The following AGAP1 variants were observed in gnomAD, a reference collection of about 807,000 sequenced individuals.
The protein encoded by AGAP1 is arf-GAP with GTPase, ANK repeat and PH domain-containing protein 1.
AGAP1 carries 29 observed loss-of-function variants against 105.3 expected under a neutral mutation model. The ratio of observed to expected loss-of-function variants is 0.28; its 90% CI spans 0.21 to 0.38. AGAP1 has a LOEUF of 0.38. Among genes scored for constraint, AGAP1 ranks in the 10% least tolerant of loss-of-function variants. The pLI, the probability that AGAP1 is intolerant of heterozygous loss-of-function variation, is 1.00. For synonymous variants in AGAP1, 509 were observed against 485.9 expected (o/e 1.05, Z -0.63); for missense variants, 998 against 1,165.1 (o/e 0.86, Z 2.09).
chr2:235,603,542 T>G (rs1404120652), intron 1 of AGAP1, among the ~76,000 whole-genome samples: 1 of 152,200 alleles, frequency 6.6e-6, no homozygotes, highest in Non-Finnish European at 1.5e-5. Flanking sequence ...GTTACACAGT[T>G]CAGGTGCTAG....
At chr2:235,853,804 G>C (rs1442073227) in intron 9 of AGAP1, among the ~76,000 whole-genome samples, 1 of 152,058 alleles carries the variant, frequency 6.6e-6, no homozygotes, top group African/African-American at 2.4e-5. Flanking sequence ...TGTGGATGGG[G>C]GAAAGGATGG....
In AGAP1 at chr2:236,073,805, C is replaced by T. The variant is rs1023672545; in HGVS notation, c.2114+24524C>T. Among the ~76,000 whole-genome samples the T allele has an allele frequency of 5.3e-5, 8 of 152,240 alleles. No homozygotes were observed. The highest frequency in any genetic ancestry group is 3.9e-4 in the East Asian group (2 of 5,174). On this transcript the variant is annotated intron_variant, in intron 16 of 17. Transcript: ENST00000304032. This position sits in a 1 kb window ranked among gnomAD's most constrained non-coding sequence, Gnocchi z 5.4. ...AACATGGCTTTACCCCACCGTCTCC[C>T]GTGGCCTTCTCAACACACTTTAGAA...
chr2:235,534,911 C>G (rs1039328834), intron 1 of AGAP1, among the ~76,000 whole-genome samples: 2 of 152,120 alleles, frequency 1.3e-5, no homozygotes, highest in Non-Finnish European at 2.9e-5. Context: ...GATGAGTTAT[C>G]AGTTGTAGTA....
rs1559262629 is a variant in AGAP1 at position 235,577,847 on chromosome 2, C to CGTGAGGA, written c.163+82999_163+83000insTGAGGAG. ...GCTGCACAAAAGGCCCATGTCTGCT[C>CGTGAGGA]GCTGGGACCTGATAGTTCGCCTTTG... On this transcript the variant is annotated intron_variant, in intron 1 of 17. Transcript: ENST00000304032. This position sits in a 1 kb window ranked among gnomAD's most constrained non-coding sequence, Gnocchi z 4.5. Among the ~76,000 whole-genome samples, 4 of 151,960 alleles carry CGTGAGGA rather than the reference C, an allele frequency of 2.6e-5. No homozygotes were observed. Among genetic ancestry groups the CGTGAGGA allele is most frequent in the African/African-American group, 9.7e-5 (4 of 41,348 alleles).
chr2:235,619,763 C>T (rs916438418), intron 1 of AGAP1, among the ~76,000 whole-genome samples: 2 of 152,188 alleles, frequency 1.3e-5, no homozygotes, highest in Admixed American at 6.5e-5. Flanking sequence ...CTTCGGCGCC[C>T]GAATTGCTGC....
rs149872179 is a variant in AGAP1, at chr2:235,545,308, G to A, written c.163+50459G>A. Among the ~76,000 whole-genome samples, 79 of 152,320 alleles carry A rather than the reference G, an allele frequency of 5.2e-4. 1 individual carries two copies. In the South Asian group the frequency reaches 5.8e-3, roughly 11 times the overall value. ...AAACACAGCTTAATTCAGCTCTACAGGTGTGAGTATTTAGCCCTGGAAAGG... is the reference window on the plus strand; with the variant it reads ...AAACACAGCTTAATTCAGCTCTACAAGTGTGAGTATTTAGCCCTGGAAAGG... On this transcript the variant is annotated intron_variant, in intron 1 of 17. Coordinates refer to ENST00000304032, the MANE Select transcript of AGAP1 (RefSeq NM_001037131.3).
At chr2:235,604,943 C>T (rs1372046208) in intron 1 of AGAP1, among the ~76,000 whole-genome samples, 3 of 151,854 alleles carry the variant, frequency 2.0e-5, no homozygotes, top group East Asian at 1.9e-4. Context: ...GGCAGTGGCG[C>T]GATCCTGGCT....
chr2:235,778,342 A>T (rs1003074352), intron 6 of AGAP1, among the ~76,000 whole-genome samples: 1 of 152,202 alleles, frequency 6.6e-6, no homozygotes, highest in South Asian at 2.1e-4. Context: ...TGACCAGTGC[A>T]GCCAGCAGGG....
In AGAP1 at chr2:236,078,060, T is replaced by C. The variant is rs1233791932; in HGVS notation, c.2114+28779T>C. Among the ~76,000 whole-genome samples, 2 of 149,868 alleles carry C rather than the reference T, an allele frequency of 1.3e-5. No individual in the cohort carries two copies. The highest frequency in any genetic ancestry group is 5.1e-5 in the African/African-American group (2 of 39,600). Reference sequence around the variant, plus strand: ...ATTTGTGTGTGTGTGTGTGTGTGTGTGTGTGTGTGTGTGTAATCTGAAGTG... The same window carrying C: ...ATTTGTGTGTGTGTGTGTGTGTGTGCGTGTGTGTGTGTGTAATCTGAAGTG... On this transcript the variant is annotated intron_variant, in intron 16 of 17. Coordinates refer to ENST00000304032, the MANE Select transcript of AGAP1 (RefSeq NM_001037131.3). This position sits in a 1 kb window ranked among gnomAD's most constrained non-coding sequence, Gnocchi z 5.3.
rs1385215916 is a variant in AGAP1, at chr2:235,842,293, C to T, written c.1050+34962C>T. ...TCCACTGACTTCGACTGAAAGTTAA[C>T]GTTTCCTTCAGATATGAATGTAGGC... On this transcript the variant is annotated intron_variant, in intron 9 of 17. Coordinates refer to ENST00000304032, the MANE Select transcript of AGAP1 (RefSeq NM_001037131.3). This position sits in a 1 kb window ranked among gnomAD's most constrained non-coding sequence, Gnocchi z 5.3. 3.3e-5 allele frequency among the ~76,000 whole-genome samples: 5 copies of T among 152,190 alleles called. No individual in the cohort carries two copies. Among genetic ancestry groups the T allele is most frequent in the East Asian group, 1.9e-4 (1 of 5,198 alleles).
chr2:235,566,319 T>C lies in AGAP1; in HGVS notation c.163+71470T>C, dbSNP rs528894180. On this transcript the variant is annotated intron_variant, in intron 1 of 17. Transcript: ENST00000304032. This position sits in a 1 kb window ranked among gnomAD's most constrained non-coding sequence, Gnocchi z 5.2. Reference sequence around the variant, plus strand: ...TTTGTCAGGCTGGTCTCGAACTGCCTTGGCCTCCTAAAGTGTTGGGATTAC... The same window carrying C: ...TTTGTCAGGCTGGTCTCGAACTGCCCTGGCCTCCTAAAGTGTTGGGATTAC... Among the ~76,000 whole-genome samples, 17 of 152,292 alleles carry C rather than the reference T, an allele frequency of 1.1e-4. No homozygotes were observed. Among genetic ancestry groups the C allele is most frequent in the African/African-American group, 3.8e-4 (16 of 41,568 alleles).
Position 235,614,105 on chromosome 2 carries a change from T to C in AGAP1, c.164-95074T>C, listed in dbSNP as rs1946230411. ...TGTTCATATATTGATTCACCAAATA[T>C]TGATTGTACATCTGCGAATGTGCTA... On this transcript the variant is annotated intron_variant, in intron 1 of 17. Coordinates refer to ENST00000304032, the MANE Select transcript of AGAP1 (RefSeq NM_001037131.3). This position sits in a 1 kb window ranked among gnomAD's most constrained non-coding sequence, Gnocchi z 4.7. Among the ~76,000 whole-genome samples the C allele has an allele frequency of 6.6e-6, 1 of 152,136 alleles. No homozygotes were observed. The highest frequency in any genetic ancestry group is 1.5e-5 in the Non-Finnish European group (1 of 68,014).
Position 236,027,693 on chromosome 2 carries a change from G to C in AGAP1, c.1646-8868G>C, listed in dbSNP as rs1185774362. Among the ~76,000 whole-genome samples, 1 of 152,116 alleles carries C rather than the reference G, an allele frequency of 6.6e-6. No homozygotes were observed. The highest frequency in any genetic ancestry group is 2.4e-5 in the African/African-American group (1 of 41,432). On this transcript the variant is annotated intron_variant, in intron 13 of 17. Coordinates refer to ENST00000304032, the MANE Select transcript of AGAP1 (RefSeq NM_001037131.3). The surrounding 1 kb of genome is among the most constrained non-coding windows in gnomAD (Gnocchi z 4.4). ...TGGACCCCGCATTGACGAGACAGAGGGGGCCATCTTGTGCTTCTCCAGGGC... is the reference window on the plus strand; with the variant it reads ...TGGACCCCGCATTGACGAGACAGAGCGGGCCATCTTGTGCTTCTCCAGGGC...
intron 9 of AGAP1, among the ~76,000 whole-genome samples, chr2:235,861,946 T>C (rs1303737114): frequency 6.6e-6 from 1 of 152,206 alleles, no homozygotes; most frequent in Non-Finnish European, 1.5e-5. Context: ...AGAGAACCAT[T>C]GGGGACCCTG....
chr2:235,602,023 C>G (rs1270200268), intron 1 of AGAP1, among the ~76,000 whole-genome samples: 1 of 152,176 alleles, frequency 6.6e-6, no homozygotes, highest in Admixed American at 6.5e-5. Flanking sequence ...CAGCAGCTCT[C>G]CAAAATTCTC....
In AGAP1 at chr2:235,959,239, G is replaced by T. The variant is rs1169042093; in HGVS notation, c.1484-9223G>T. ...TGCATTCTTTGTATGCAGCCAGGAGGAGCGGATGGCGCTCCGTGGGCCGGC... is the reference window on the plus strand; with the variant it reads ...TGCATTCTTTGTATGCAGCCAGGAGTAGCGGATGGCGCTCCGTGGGCCGGC... On this transcript the variant is annotated intron_variant, in intron 12 of 17. Transcript: ENST00000304032. This position sits in a 1 kb window ranked among gnomAD's most constrained non-coding sequence, Gnocchi z 7.3. Among the ~76,000 whole-genome samples, 2 of 152,234 alleles carry T rather than the reference G, an allele frequency of 1.3e-5. No homozygotes were observed. Among genetic ancestry groups the T allele is most frequent in the Admixed American group, 6.5e-5 (1 of 15,292 alleles).
At chr2:235,595,053 G>A (rs562241441) in intron 1 of AGAP1, among the ~76,000 whole-genome samples, 28 of 152,232 alleles carry the variant, frequency 1.8e-4, no homozygotes, top group African/African-American at 5.1e-4. Context: ...CAGGTGAGGC[G>A]GGTGTGGCGC....
intron 3 of AGAP1, among the ~76,000 whole-genome samples, chr2:235,735,857 C>T (rs1260414974): frequency 6.6e-6 from 1 of 152,036 alleles, no homozygotes; most frequent in Non-Finnish European, 1.5e-5. Context: ...TTGCACATTG[C>T]ACTTGAAGTT....
chr2:235,535,259 C>G lies in AGAP1; in HGVS notation c.163+40410C>G, dbSNP rs1017276038. 6.6e-6 allele frequency among the ~76,000 whole-genome samples: 1 copy of G among 152,134 alleles called. No individual in the cohort carries two copies. The highest frequency in any genetic ancestry group is 1.5e-5 in the Non-Finnish European group (1 of 68,034). ...TTTCACAGTGCCCTCGCTGCTGCCTCCCGTTTCATCTGCACGTCTCTTTCA... is the reference window on the plus strand; with the variant it reads ...TTTCACAGTGCCCTCGCTGCTGCCTGCCGTTTCATCTGCACGTCTCTTTCA... On this transcript the variant is annotated intron_variant, in intron 1 of 17. Transcript: ENST00000304032. This position sits in a 1 kb window ranked among gnomAD's most constrained non-coding sequence, Gnocchi z 5.1.
Sources: allele counts gnomAD v4.1 joint callset (sites outside exome capture counted in the v4.1 genomes callset), GRCh38; gene constraint gnomAD v4.1.1; non-coding constraint Gnocchi (gnomAD v3.1); transcripts MANE v1.5; gene names NCBI Gene and HGNC (gene_info 2026-07-23, HGNC 2026-07-21).